Variants in MACF1 observed in about 807,000 individuals in gnomAD.
The protein encoded by MACF1 is microtubule-actin cross-linking factor 1.
A neutral mutation model predicts 854.8 loss-of-function variants in MACF1; 193 were observed. The observed-to-expected ratio is 0.23, with a 90% CI of 0.20 to 0.25. The LOEUF is 0.25. Ranked by LOEUF, MACF1 falls within the 10% of genes least tolerant of loss-of-function variation. The pLI, the probability that MACF1 is intolerant of heterozygous loss-of-function variation, is 1.00. For synonymous variants in MACF1, 3,185 were observed against 3,226.7 expected (o/e 0.99, Z 0.44); for missense variants, 7,722 against 8,929.1 (o/e 0.86, Z 5.45).
chr1:39,440,862 T>G, intron 72 of MACF1, 141 bp from the exon 73 acceptor site: 2 of 703,626 alleles, frequency 2.8e-6, no homozygotes. Flanking sequence ...ATGTAGAGTC[T>G]GAAGCTTTAG....
intron 2 of MACF1, among the ~76,000 whole-genome samples, chr1:39,166,559 C>T (rs1426489271): frequency 2.0e-5 from 3 of 151,210 alleles, no homozygotes; most frequent in South Asian, 2.1e-4. Flanking sequence ...TGGGTTCAAG[C>T]GATTCTCCTG....
At chr1:39,368,647 G>A (rs1464830188) in intron 50 of MACF1, among the ~76,000 whole-genome samples, 4 of 151,664 alleles carry the variant, frequency 2.6e-5, no homozygotes, top group African/African-American at 7.3e-5. Flanking sequence ...GATTACAGGC[G>A]CCCACCACCA....
intron 23 of MACF1, among the ~76,000 whole-genome samples, chr1:39,305,110 A>T (rs1191801355): frequency 2.0e-5 from 3 of 151,474 alleles, no homozygotes; most frequent in African/African-American, 4.9e-5. Flanking sequence ...AAATACAGAC[A>T]ATTAGCCTGG....
chr1:39,288,490 T>G (rs1439574652), intron 15 of MACF1, among the ~76,000 whole-genome samples: 1 of 135,204 alleles, frequency 7.4e-6, no homozygotes, highest in African/African-American at 2.8e-5. Flanking sequence ...AGAGTGAGAC[T>G]CCATCTAAAA....
At chr1:39,092,205 C>T (rs1641825554) in intron 2 of MACF1, among the ~76,000 whole-genome samples, 1 of 152,150 alleles carries the variant, frequency 6.6e-6, no homozygotes, top group African/African-American at 2.4e-5. Context: ...CTTTCTTTGG[C>T]TTTCGTAGGA....
chr1:39,177,829 A>G (rs1644051110), intron 2 of MACF1, among the ~76,000 whole-genome samples: 1 of 151,968 alleles, frequency 6.6e-6, no homozygotes, highest in African/African-American at 2.4e-5. Flanking sequence ...TTTCTCAGTG[A>G]CTCTTAAGTT....
chr1:39,458,270 C>T, intron 89 of MACF1, 100 bp from the exon 90 acceptor site: 2 of 1,176,938 alleles, frequency 1.7e-6, no homozygotes, highest in Non-Finnish European at 1.2e-6. Context: ...GCCTTTCCTG[C>T]CACCACAGGC....
At chr1:39,211,061 G>A (rs1173649641) in intron 1 of MACF1, among the ~76,000 whole-genome samples, 2 of 151,768 alleles carry the variant, frequency 1.3e-5, no homozygotes, top group African/African-American at 4.8e-5. Context: ...CTGCCTCCTG[G>A]GTTCAAGTGA....
rs758443243 is a variant in MACF1, at chr1:39,380,339, A to G, written c.13614A>G (p.Glu4538=). The G allele has an allele frequency of 6.2e-6, 10 of 1,613,276 alleles. No homozygotes were observed. In the East Asian group the frequency reaches 2.2e-4, roughly 36 times the overall value. ...GLLVTYPNSQ[E]AENWKKIQEE... is the part of the protein sequence containing the mutation. ...TGGTGACATATCCCAACTCACAGGA[A>G]GCAGAAAATTGGAAGAAAATTCAGG... Residue 4538 remains glutamate (E), a synonymous_variant, in exon 55 of 101, where the codon GAA becomes GAG. Transcript: ENST00000564288.
intron 2 of MACF1, among the ~76,000 whole-genome samples, chr1:39,112,087 CTTTTTTT>C (rs569400137): frequency 7.5e-6 from 1 of 133,612 alleles, no homozygotes; most frequent in African/African-American, 2.8e-5. Context: ...TTATTCAAAT[CTTTTTTT>C]TTTTTTTTTT....
intron 89 of MACF1, among the ~76,000 whole-genome samples, chr1:39,456,134 G>A (rs536415860): frequency 2.6e-5 from 4 of 152,282 alleles, no homozygotes; most frequent in Non-Finnish European, 5.9e-5. Context: ...AAGAGTTTGA[G>A]ACCAGCCTAG....
At position 39,283,654 on chromosome 1, in the gene MACF1, TTA is replaced by T; in HGVS notation, c.915+141_915+142del. The T allele has an allele frequency of 1.5e-6, 1 of 661,464 alleles. No homozygotes were observed. The highest frequency in any genetic ancestry group is 1.9e-5 in the South Asian group (1 of 52,204). The allele number at this position is 661,464 out of a possible 1,614,324, so 41.0% of individuals were successfully genotyped here. A position where few individuals can be genotyped will look rare whatever the true frequency, so the allele number is the denominator to read the frequency against. ...CCAGTATCTTTATCATACATGGACATTATCCTTGGCCCTGGAAATGAGTCTAG... is the reference window on the plus strand; with the variant it reads ...CCAGTATCTTTATCATACATGGACATTCCTTGGCCCTGGAAATGAGTCTAG... On this transcript the variant is annotated intron_variant, in intron 9 of 100. Transcript: ENST00000564288. The surrounding 1 kb of genome is among the most constrained non-coding windows in gnomAD (Gnocchi z 4.5).
chr1:39,235,999 G>A (rs540020756), intron 2 of MACF1, among the ~76,000 whole-genome samples: 86 of 152,176 alleles, frequency 5.7e-4, no homozygotes, highest in Non-Finnish European at 1.3e-4. Context: ...TGGCCTCCCA[G>A]TGTCTTGGAA....
intron 83 of MACF1, 95 bp from the exon 84 acceptor site, chr1:39,448,495 CTTTA>C (rs1221253302): frequency 1.0e-6 from 1 of 1,001,578 alleles, no homozygotes. Context: ...GATATTCATA[CTTTA>C]TTTGGTTTCT....
chr1:39,417,713 A>ATTTTTTTTTTTTTT lies in MACF1; in HGVS notation c.15817-4638_15817-4625dup, dbSNP rs56799242. The stretch of plus-strand genomic sequence containing the variant: ...AGGAATGTGCCACCACACCCAGTTA[A>ATTTTTTTTTTTTTT]TTTTTTTTTTTTTTTTTTTTTTTTT... On this transcript the variant is annotated intron_variant, in intron 58 of 100. Coordinates refer to ENST00000564288, the MANE Select transcript of MACF1 (RefSeq NM_001394062.1). Among the ~76,000 whole-genome samples, 10 of 55,832 alleles carry ATTTTTTTTTTTTTT rather than the reference A, an allele frequency of 1.8e-4. 1 individual carries two copies. Among genetic ancestry groups the ATTTTTTTTTTTTTT allele is most frequent in the Non-Finnish European group, 3.8e-4 (10 of 25,996 alleles). 36.6% of individuals were successfully genotyped at this position (55,832 alleles called of 152,430 possible). A position where few individuals can be genotyped will look rare whatever the true frequency, so the allele number is the denominator to read the frequency against.
intron 58 of MACF1, among the ~76,000 whole-genome samples, chr1:39,398,749 A>C (rs1642366487): frequency 6.6e-6 from 1 of 152,138 alleles, no homozygotes; most frequent in African/African-American, 2.4e-5. Context: ...TGGGGAACTA[A>C]TCTGAGTCAG....
At chr1:39,304,485 T>C in intron 23 of MACF1, 1 of 1,435,710 alleles carries the variant, frequency 7.0e-7, no homozygotes, top group Non-Finnish European at 9.7e-7. Context: ...TGAAATACTT[T>C]TCCTTGAGAT....
chr1:39,158,586 T>C (rs1387886776), intron 2 of MACF1, among the ~76,000 whole-genome samples: 5 of 152,200 alleles, frequency 3.3e-5, no homozygotes, highest in Non-Finnish European at 7.3e-5. Flanking sequence ...CTGAAAAGCA[T>C]TTAAGCTTCT....
chr1:39,340,254 G>A (rs1646907996), intron 38 of MACF1, among the ~76,000 whole-genome samples: 1 of 152,102 alleles, frequency 6.6e-6, no homozygotes, highest in Non-Finnish European at 1.5e-5. Flanking sequence ...GGTGACCTTG[G>A]ACACCATTCA....
Sources: allele counts gnomAD v4.1 joint callset (sites outside exome capture counted in the v4.1 genomes callset), GRCh38; gene constraint gnomAD v4.1.1; non-coding constraint Gnocchi (gnomAD v3.1); transcripts MANE v1.5; gene names NCBI Gene and HGNC (gene_info 2026-07-23, HGNC 2026-07-21).